MICAL2: variants seen among roughly 807,000 people sequenced by gnomAD.
MICAL2 encodes [F-actin]-monooxygenase MICAL2.
MICAL2 carries 77 observed loss-of-function variants against 127.3 expected under a neutral mutation model. That is an observed-to-expected ratio of 0.60 (90% CI 0.50 to 0.73). The LOEUF is 0.73. MICAL2 is among the 30% of genes least tolerant of loss of function. MICAL2 has a pLI of 0.00. For synonymous variants in MICAL2, 570 were observed against 551.1 expected, an observed-to-expected ratio of 1.03 and a Z score of -0.48; for missense variants, 1,351 against 1,434.4, an observed-to-expected ratio of 0.94 and a Z score of 0.94.
At chr11:12,152,964 G>C (rs1274768953) in intron 2 of MICAL2, among the ~76,000 whole-genome samples, 1 of 149,290 alleles carries the variant, frequency 6.7e-6, no homozygotes, top group Non-Finnish European at 1.5e-5. Flanking sequence ...TTTTTTTTTT[G>C]TTTGCATTTT....
chr11:12,327,361 G>A, intron 32 of MICAL2: 3 of 1,007,218 alleles, frequency 3.0e-6, no homozygotes. Context: ...ACCTGCTGGA[G>A]ATCTGTCAGC....
At chr11:12,174,198 C>T (rs1856584676) in intron 3 of MICAL2, among the ~76,000 whole-genome samples, 1 of 151,096 alleles carries the variant, frequency 6.6e-6, no homozygotes, top group Non-Finnish European at 1.5e-5. Context: ...GTAAAATATA[C>T]ATAACATAAA....
intron 16 of MICAL2, among the ~76,000 whole-genome samples, chr11:12,237,376 G>A (rs1859232526): frequency 1.3e-5 from 2 of 152,142 alleles, no homozygotes; most frequent in African/African-American, 4.8e-5. Flanking sequence ...AGCAAATAGA[G>A]ACACAGAGAG....
intron 27 of MICAL2, 98 bp downstream of exon 27, chr11:12,262,635 T>C (rs1863286218): frequency 1.2e-5 from 12 of 1,023,930 alleles, no homozygotes; most frequent in Non-Finnish European, 1.8e-5. Context: ...TTGCACTAAC[T>C]GTGAGTGTCT....
chr11:12,279,510 A>G (rs1863750807), intron 1 of MICAL2, among the ~76,000 whole-genome samples: 1 of 152,196 alleles, frequency 6.6e-6, no homozygotes, highest in South Asian at 2.1e-4. Flanking sequence ...GAGTCTTCTA[A>G]GCCTCCACGT....
At chr11:12,135,550 G>C (rs1385555803) in intron 1 of MICAL2, among the ~76,000 whole-genome samples, 1 of 152,188 alleles carries the variant, frequency 6.6e-6, no homozygotes, top group African/African-American at 2.4e-5. Context: ...TTAATCTTCA[G>C]AGAAGCCCTA....
intron 33 of MICAL2, among the ~76,000 whole-genome samples, chr11:12,350,584 T>C (rs1939028348): frequency 6.6e-6 from 1 of 152,154 alleles, no homozygotes; most frequent in Non-Finnish European, 1.5e-5. Flanking sequence ...CAGGAAGTAA[T>C]TTTAAGGGCT....
intron 3 of MICAL2, among the ~76,000 whole-genome samples, chr11:12,188,776 A>G (rs556988199): frequency 9.9e-5 from 15 of 152,238 alleles, no homozygotes; most frequent in African/African-American, 3.6e-4. Context: ...ACGCAATGAT[A>G]CCTACTTTAT....
chr11:12,278,960 G>A (rs1488571192), intron 1 of MICAL2, among the ~76,000 whole-genome samples: 1 of 152,192 alleles, frequency 6.6e-6, no homozygotes, highest in East Asian at 1.9e-4. Context: ...GGGAGGCAGG[G>A]CTGGAGATGG....
At chr11:12,294,618 T>G (rs763554938), downstream of MICAL2, 13 of 1,614,062 alleles carry the variant, frequency 8.1e-6, no homozygotes, top group Admixed American at 3.3e-5. Context: ...AGAATCTCAC[T>G]TTTTTCCTCC....
At chr11:12,268,772 G>C (rs537299763), downstream of MICAL2, among the ~76,000 whole-genome samples, 9 of 152,078 alleles carry the variant, frequency 5.9e-5, no homozygotes, top group East Asian at 3.9e-4. Context: ...GGGCGGATCA[G>C]GAGGTTAGGA....
chr11:12,183,428 C>A (rs765829723), intron 3 of MICAL2, among the ~76,000 whole-genome samples: 25 of 152,188 alleles, frequency 1.6e-4, no homozygotes, highest in Non-Finnish European at 2.6e-4. Context: ...CCCCCTTGTC[C>A]TGGCCCAGAC....
intron 2 of MICAL2, among the ~76,000 whole-genome samples, chr11:12,154,843 G>A (rs1213127188): frequency 3.3e-5 from 5 of 152,154 alleles, no homozygotes; most frequent in Non-Finnish European, 7.4e-5. Flanking sequence ...TTACATAGCA[G>A]CTTCAGAAAA....
At chr11:12,218,084 C>A (rs920691028) in intron 8 of MICAL2, among the ~76,000 whole-genome samples, 1 of 152,222 alleles carries the variant, frequency 6.6e-6, no homozygotes, top group Non-Finnish European at 1.5e-5. Flanking sequence ...GAATGAATGA[C>A]TGACCTCTGG....
chr11:12,289,417 C>T (rs759222767), downstream of MICAL2, among the ~76,000 whole-genome samples: 1 of 152,168 alleles, frequency 6.6e-6, no homozygotes, highest in Non-Finnish European at 1.5e-5. Flanking sequence ...GTGTGCAGCC[C>T]CCTCTGGAAT....
intron 29 of MICAL2, among the ~76,000 whole-genome samples, chr11:12,304,353 AG>A (rs1448385811): frequency 4.6e-5 from 7 of 152,120 alleles, no homozygotes. Flanking sequence ...TTCTTCAGCC[AG>A]GCACGGTGGC....
At chr11:12,191,716 G>A (rs563231838) in intron 3 of MICAL2, among the ~76,000 whole-genome samples, 152 of 152,196 alleles carry the variant, frequency 1.0e-3, no homozygotes, top group Non-Finnish European at 1.6e-3. Flanking sequence ...ACAGTGAGCC[G>A]TGATTGTACC....
chr11:12,314,862 T>G (rs570589350), intron 29 of MICAL2, among the ~76,000 whole-genome samples: 1 of 152,112 alleles, frequency 6.6e-6, no homozygotes, highest in Non-Finnish European at 1.5e-5. Flanking sequence ...AATACATATT[T>G]TAAACCCATA....
chr11:12,183,236 A>C (rs913716442), intron 3 of MICAL2, among the ~76,000 whole-genome samples: 2 of 150,748 alleles, frequency 1.3e-5, no homozygotes, highest in African/African-American at 4.9e-5. Flanking sequence ...GATGTAATAC[A>C]TTGTTGTGGT....
Sources: allele counts gnomAD v4.1 joint callset (sites outside exome capture counted in the v4.1 genomes callset), GRCh38; gene constraint gnomAD v4.1.1; transcripts MANE v1.5; gene names NCBI Gene and HGNC (gene_info 2026-07-23, HGNC 2026-07-21).